The following TMEM74 variants were observed in gnomAD, a reference collection of about 807,000 sequenced individuals.
TMEM74 encodes the protein transmembrane protein 74.
Under a neutral mutation model 18.1 loss-of-function variants are expected in TMEM74, and 13 were observed. The ratio of observed to expected loss-of-function variants is 0.72; its 90% CI spans 0.47 to 1.14. The LOEUF is 1.14. Among genes scored for constraint, TMEM74 ranks in the 50% most tolerant of loss-of-function variants. TMEM74 has a pLI of 0.00. For missense variants in TMEM74, 372 were observed against 375.9 expected, an observed-to-expected ratio of 0.99 and a Z score of 0.09; for synonymous variants, 159 against 146.6, an observed-to-expected ratio of 1.08 and a Z score of -0.61.
At chr8:108,754,064 G>C (rs1285623345) in intron 1 of TMEM74, among the ~76,000 whole-genome samples, 1 of 151,998 alleles carries the variant, frequency 6.6e-6, no homozygotes, top group Non-Finnish European at 1.5e-5. Flanking sequence ...AAGTTCTGAA[G>C]CTTATACATT....
chr8:108,615,064 T>A (rs982710854), intron 2 of TMEM74, among the ~76,000 whole-genome samples: 2 of 152,204 alleles, frequency 1.3e-5, no homozygotes, highest in African/African-American at 4.8e-5. Flanking sequence ...GGAAATAAAC[T>A]GAAAGTGTCA....
At chr8:108,730,416 C>T (rs1164099361) in intron 1 of TMEM74, among the ~76,000 whole-genome samples, 1 of 152,108 alleles carries the variant, frequency 6.6e-6, no homozygotes, top group Non-Finnish European at 1.5e-5. Flanking sequence ...GACCAACTGC[C>T]TCTCGTCGAC....
chr8:108,753,362 G>T (rs1813922514), intron 1 of TMEM74, among the ~76,000 whole-genome samples: 2 of 151,860 alleles, frequency 1.3e-5, no homozygotes, highest in Non-Finnish European at 2.9e-5. Context: ...TTCTTATTAT[G>T]CCTGGATGTC....
At chr8:108,736,676 A>T (rs1194766603) in intron 1 of TMEM74, among the ~76,000 whole-genome samples, 2 of 152,094 alleles carry the variant, frequency 1.3e-5, no homozygotes, top group Non-Finnish European at 2.9e-5. Flanking sequence ...TAGATGCTGG[A>T]CAAATGTTTT....
intron 1 of TMEM74, among the ~76,000 whole-genome samples, chr8:108,699,815 G>C (rs1030304913): frequency 6.6e-5 from 10 of 152,152 alleles, no homozygotes; most frequent in African/African-American, 2.4e-4. Flanking sequence ...ACCTTAGTGA[G>C]GTGAGTCAGC....
At chr8:108,743,608 A>T (rs1813822689) in intron 1 of TMEM74, among the ~76,000 whole-genome samples, 2 of 152,156 alleles carry the variant, frequency 1.3e-5, no homozygotes, top group African/African-American at 4.8e-5. Flanking sequence ...ATAGCATTGT[A>T]AAGTTACCTG....
intron 1 of TMEM74, among the ~76,000 whole-genome samples, chr8:108,688,470 C>G (rs533417933): frequency 1.2e-3 from 187 of 152,280 alleles, no homozygotes; most frequent in Non-Finnish European, 2.2e-3. Flanking sequence ...CTTCCAGTCT[C>G]AGCCCCATGG....
At chr8:108,701,785 T>A (rs888785649) in intron 1 of TMEM74, among the ~76,000 whole-genome samples, 1 of 151,692 alleles carries the variant, frequency 6.6e-6, no homozygotes, top group Non-Finnish European at 1.5e-5. Context: ...ATGTAAAGAG[T>A]CAGTATTGTC....
At chr8:108,677,734 A>C (rs17348091) in intron 1 of TMEM74, among the ~76,000 whole-genome samples, 1,747 of 152,192 alleles carry the variant, frequency 0.011, 13 homozygotes, top group South Asian at 0.034. Flanking sequence ...TTACTGCAAA[A>C]TCCATCTTTC....
At chr8:108,626,317 A>G (rs1040486610) in intron 2 of TMEM74, among the ~76,000 whole-genome samples, 2 of 152,028 alleles carry the variant, frequency 1.3e-5, no homozygotes, top group Non-Finnish European at 2.9e-5. Flanking sequence ...TGTCCCTCTT[A>G]CAATTCAGAA....
chr8:108,621,449 G>A (rs938049255), intron 2 of TMEM74, among the ~76,000 whole-genome samples: 7 of 152,128 alleles, frequency 4.6e-5, no homozygotes, highest in African/African-American at 9.7e-5. Flanking sequence ...AAACGCCCTC[G>A]GGCAAGGTCT....
rs1267943894 is a variant in TMEM74 at position 108,657,857 on chromosome 8, AAAATATATATAT to A, written n.120-2432_120-2421del. 3.2e-4 allele frequency among the ~76,000 whole-genome samples: 20 copies of A among 62,278 alleles called. No individual in the cohort carries two copies. The East Asian group carries it at 0.011, about 35-fold the overall frequency. 40.9% of individuals were successfully genotyped at this position (62,278 alleles called of 152,430 possible). On this transcript the variant is annotated intron_variant and non_coding_transcript_variant, in intron 1 of 3. Transcript: ENST00000518838. ...GACACCGTCTCAAAAAAAAAAAAAA[AAAATATATATAT>A]ATATATATATATATATATATATATA...
At chr8:108,786,735 TC>T (rs1455026604) in intron 1 of TMEM74, among the ~76,000 whole-genome samples, 7 of 152,168 alleles carry the variant, frequency 4.6e-5, no homozygotes, top group African/African-American at 1.7e-4. Flanking sequence ...TAACTCTTCT[TC>T]CAGTTTTCTC....
intron 1 of TMEM74, among the ~76,000 whole-genome samples, chr8:108,770,575 T>C (rs1228661408): frequency 1.3e-5 from 2 of 152,294 alleles, no homozygotes; most frequent in Admixed American, 6.5e-5. Flanking sequence ...GTGTAATTCC[T>C]ATACTTACCT....
At chr8:108,749,257 C>T (rs1167744443) in intron 1 of TMEM74, among the ~76,000 whole-genome samples, 1 of 151,970 alleles carries the variant, frequency 6.6e-6, no homozygotes. Context: ...TGGCCATTTT[C>T]AAGATATTAA....
At chr8:108,739,113 C>T (rs1033372429) in intron 1 of TMEM74, among the ~76,000 whole-genome samples, 46 of 152,218 alleles carry the variant, frequency 3.0e-4, no homozygotes, top group African/African-American at 1.1e-3. Context: ...GTTATCTCTG[C>T]CCCCAACTGC....
At chr8:108,739,471 T>C (rs1461884429) in intron 1 of TMEM74, among the ~76,000 whole-genome samples, 2 of 152,190 alleles carry the variant, frequency 1.3e-5, no homozygotes, top group African/African-American at 4.8e-5. Flanking sequence ...TTGGGGTGTG[T>C]GGGTTACTTT....
At chr8:108,752,043 T>TTGAATGAA (rs4034229) in intron 1 of TMEM74, among the ~76,000 whole-genome samples, 1 of 151,102 alleles carries the variant, frequency 6.6e-6, no homozygotes, top group South Asian at 2.1e-4. Flanking sequence ...ATTAATGTTG[T>TTGAATGAA]TGAATGAATG....
intron 1 of TMEM74, among the ~76,000 whole-genome samples, chr8:108,678,010 A>G (rs1813071478): frequency 1.3e-5 from 2 of 152,132 alleles, no homozygotes; most frequent in African/African-American, 4.8e-5. Context: ...TTGTACTTTG[A>G]CCATGGCCAT....
Sources: allele counts gnomAD v4.1 joint callset (sites outside exome capture counted in the v4.1 genomes callset), GRCh38; gene constraint gnomAD v4.1.1; transcripts MANE v1.5; gene names NCBI Gene and HGNC (gene_info 2026-07-23, HGNC 2026-07-21).